MAP2K4: variants seen among roughly 807,000 people sequenced by gnomAD.
MAP2K4 encodes mitogen-activated protein kinase kinase 4.
Under a neutral mutation model 48.5 loss-of-function variants are expected in MAP2K4, and 4 were observed. The ratio of observed to expected loss-of-function variants is 0.08; its 90% CI spans 0.04 to 0.19. The LOEUF (loss-of-function observed/expected upper bound fraction) is 0.19. Among genes scored for constraint, MAP2K4 ranks in the 10% least tolerant of loss-of-function variants. MAP2K4 has a pLI of 1.00. For synonymous variants in MAP2K4, 166 were observed against 173.1 expected (o/e 0.96, Z 0.32); for missense variants, 258 against 493.3 (o/e 0.52, Z 4.52).
At chr17:12,036,129 C>T (rs976804923) in intron 1 of MAP2K4, among the ~76,000 whole-genome samples, 1 of 152,084 alleles carries the variant, frequency 6.6e-6, no homozygotes, top group African/African-American at 2.4e-5. Context: ...AGTTTATTTT[C>T]TAAATATAAG....
rs1334861568 is a variant in MAP2K4, at chr17:12,031,040, G to A, written c.115+10039G>A. Among the ~76,000 whole-genome samples, 7 of 152,132 alleles carry A rather than the reference G, an allele frequency of 4.6e-5. No individual in the cohort carries two copies. In the East Asian group the frequency reaches 9.6e-4, roughly 21 times the overall value. On this transcript the variant is annotated intron_variant, in intron 1 of 10. Transcript: ENST00000353533. ...ATCTCTGTTTTTCTTTCTGAATTCT[G>A]TTCCCACTGCACATTTGGTGGGGTA...
intron 2 of MAP2K4, among the ~76,000 whole-genome samples, chr17:12,068,807 G>A (rs1185368812): frequency 3.3e-5 from 5 of 151,884 alleles, no homozygotes; most frequent in Admixed American, 3.3e-4. Context: ...GTGTTTCTGT[G>A]CTTATGTGCA....
intron 4 of MAP2K4, among the ~76,000 whole-genome samples, chr17:12,100,529 A>G (rs1488341469): frequency 6.6e-6 from 1 of 152,150 alleles, no homozygotes; most frequent in African/African-American, 2.4e-5. Context: ...TTGAGCATTT[A>G]TGTACAATTG....
intron 1 of MAP2K4, among the ~76,000 whole-genome samples, chr17:12,045,585 A>G (rs1354000065): frequency 1.3e-5 from 2 of 152,180 alleles, no homozygotes; most frequent in Admixed American, 1.3e-4. Flanking sequence ...GATTGCTACT[A>G]AAAAAATAAG....
chr17:12,047,131 A>G (rs1464322667), intron 1 of MAP2K4, among the ~76,000 whole-genome samples: 1 of 152,108 alleles, frequency 6.6e-6, no homozygotes, highest in Non-Finnish European at 1.5e-5. Flanking sequence ...ATCTTTTGCC[A>G]GAGGTCGGAA....
chr17:12,125,192 G>A (rs1567672308), intron 7 of MAP2K4, 102 bp from the exon 8 acceptor site: 2 of 794,418 alleles, frequency 2.5e-6, no homozygotes, highest in Admixed American at 1.8e-5. Context: ...GATTCCTCTA[G>A]GAATATACTG....
chr17:12,070,476 C>T (rs117847604), intron 2 of MAP2K4, among the ~76,000 whole-genome samples: 1 of 152,026 alleles, frequency 6.6e-6, no homozygotes, highest in South Asian at 2.1e-4. Context: ...TGAAATGTAT[C>T]TTGAGATTAA....
chr17:12,074,640 T>G (rs1384778237), intron 2 of MAP2K4, among the ~76,000 whole-genome samples: 2 of 152,166 alleles, frequency 1.3e-5, no homozygotes, highest in Non-Finnish European at 2.9e-5. Context: ...CATCCGCTGA[T>G]CAAGGAGGGC....
Position 12,047,059 on chromosome 17 carries a change from G to A in MAP2K4, c.116-7830G>A, listed in dbSNP as rs374626195. Among the ~76,000 whole-genome samples the A allele has an allele frequency of 3.3e-5, 5 of 152,182 alleles. No individual in the cohort carries two copies. In the East Asian group the frequency reaches 9.7e-4, roughly 29 times the overall value. On this transcript the variant is annotated intron_variant, in intron 1 of 10. Coordinates refer to ENST00000353533, the MANE Select transcript of MAP2K4 (RefSeq NM_003010.4). ...TACCCTTTCAGGAACTGATAGAGGA[G>A]TGACACAATCCTTGGTATTCTGGGT...
At chr17:12,029,142 C>T (rs953016061) in intron 1 of MAP2K4, among the ~76,000 whole-genome samples, 1 of 152,034 alleles carries the variant, frequency 6.6e-6, no homozygotes, top group Admixed American at 6.6e-5. Flanking sequence ...AAGTTATGGC[C>T]ACATAAAAGA....
chr17:12,081,670 G>C lies in MAP2K4; in HGVS notation c.393+140G>C. On this transcript the variant is annotated intron_variant, in intron 3 of 10. Coordinates refer to ENST00000353533, the MANE Select transcript of MAP2K4 (RefSeq NM_003010.4). This position sits in a 1 kb window ranked among gnomAD's most constrained non-coding sequence, Gnocchi z 4.2. ...AATTGTTTCTCCAACTCCTTTGAGG[G>C]TGTTCTGTGTAGAGGTTTCTTATTG... is the stretch of plus-strand genomic sequence containing the variant. 1.3e-6 allele frequency: 1 copy of C among 780,716 alleles called. No individual in the cohort carries two copies. Among genetic ancestry groups the C allele is most frequent in the Non-Finnish European group, 2.1e-6 (1 of 481,614 alleles). The allele number at this position is 780,716 out of a possible 1,614,324, so 48.4% of individuals were successfully genotyped here. A position where few individuals can be genotyped will look rare whatever the true frequency, so the allele number is the denominator to read the frequency against.
At chr17:12,125,521 T>G in intron 8 of MAP2K4, 150 bp downstream of exon 8, 2 of 643,954 alleles carry the variant, frequency 3.1e-6, no homozygotes, top group Non-Finnish European at 5.5e-6. Context: ...AAGTATGTAT[T>G]TATTTACTTT....
chr17:12,066,530 T>TCC (rs1970621234), intron 2 of MAP2K4, among the ~76,000 whole-genome samples: 1 of 151,634 alleles, frequency 6.6e-6, no homozygotes, highest in Non-Finnish European at 1.5e-5. Flanking sequence ...CCTCCTCCTC[T>TCC]TCTTCTTCTT....
intron 10 of MAP2K4, among the ~76,000 whole-genome samples, 200 bp downstream of exon 10, chr17:12,140,084 A>G (rs1324955173): frequency 1.3e-5 from 2 of 152,236 alleles, no homozygotes; most frequent in African/African-American, 4.8e-5. Flanking sequence ...TACTAGCTAA[A>G]TTCTCATGGA....
At chr17:12,080,212 T>G (rs958644076) in intron 2 of MAP2K4, among the ~76,000 whole-genome samples, 24 of 152,202 alleles carry the variant, frequency 1.6e-4, no homozygotes, top group Non-Finnish European at 2.9e-4. Flanking sequence ...TGGAGAAAAC[T>G]TTCCTAAATT....
chr17:12,050,864 A>G (rs1970120106), intron 1 of MAP2K4, among the ~76,000 whole-genome samples: 1 of 152,194 alleles, frequency 6.6e-6, no homozygotes, highest in Non-Finnish European at 1.5e-5. Flanking sequence ...GAATGTGGAT[A>G]CACTTGACCA....
At chr17:12,135,856 C>A (rs1234428232) in intron 9 of MAP2K4, among the ~76,000 whole-genome samples, 5 of 152,082 alleles carry the variant, frequency 3.3e-5, no homozygotes, top group Admixed American at 3.3e-4. Context: ...CACCTAAAGT[C>A]CCTCTTAAAA....
chr17:12,074,209 A>G lies in MAP2K4; in HGVS notation c.219-7147A>G, dbSNP rs1440550964. 4.6e-5 allele frequency among the ~76,000 whole-genome samples: 7 copies of G among 151,356 alleles called. No individual in the cohort carries two copies. In the East Asian group the frequency reaches 1.2e-3, roughly 25 times the overall value. ...GTAAATGTTTCATTGTCTTTATTCT[A>G]GTATTTTTGTCATTTCTGGTCAGTT... On this transcript the variant is annotated intron_variant, in intron 2 of 10. Coordinates refer to ENST00000353533, the MANE Select transcript of MAP2K4 (RefSeq NM_003010.4).
At position 12,139,488 on chromosome 17, in the gene MAP2K4, A is replaced by AT. The variant is rs1238446153; in HGVS notation, c.1041-348dup. Among the ~76,000 whole-genome samples, 14 of 152,306 alleles carry AT rather than the reference A, an allele frequency of 9.2e-5. No homozygotes were observed. In the East Asian group the frequency reaches 2.7e-3, roughly 29 times the overall value. On this transcript the variant is annotated intron_variant, in intron 9 of 10. Transcript: ENST00000353533. The stretch of plus-strand genomic sequence containing the variant: ...AATATCTGTCTACTTATTTATTTAC[A>AT]TTTAGAAAAGCATATATGTACACAA...
Sources: gnomAD v4.1 joint callset for allele counts (sites outside exome capture counted in the v4.1 genomes callset) on GRCh38, gnomAD v4.1.1 for gene constraint, Gnocchi (gnomAD v3.1) non-coding constraint, MANE v1.5 for transcripts, NCBI Gene and HGNC (gene_info 2026-07-23, HGNC 2026-07-21) for gene names.